PLEKHF2: variants seen among roughly 807,000 people sequenced by gnomAD.
PLEKHF2 encodes pleckstrin homology and FYVE domain containing 2, also known as pleckstrin homology domain-containing family F member 2.
In PLEKHF2, 4 loss-of-function variants were observed where a neutral mutation model predicts 14.7. That is an observed-to-expected ratio of 0.27 (90% confidence interval 0.13 to 0.62). The LOEUF is 0.62. Among genes scored for constraint, PLEKHF2 ranks in the 20% least tolerant of loss-of-function variants. The pLI is 0.85. For missense variants in PLEKHF2, 201 were observed against 307.7 expected, an observed-to-expected ratio of 0.65 and a Z score of 2.60; for synonymous variants, 90 against 103.5, an observed-to-expected ratio of 0.87 and a Z score of 0.79.
chr8:95,136,331 T>TACACACACACAC (rs1490601825), intron 1 of PLEKHF2, among the ~76,000 whole-genome samples: 5 of 107,736 alleles, frequency 4.6e-5, no homozygotes, highest in African/African-American at 2.0e-4. Context: ...TTTTATTATA[T>TACACACACACAC]ATACACACAC....
At chr8:95,152,462 A>G (rs1810573845) in intron 1 of PLEKHF2, among the ~76,000 whole-genome samples, 1 of 152,108 alleles carries the variant, frequency 6.6e-6, no homozygotes, top group Non-Finnish European at 1.5e-5. Flanking sequence ...TTATTAATCT[A>G]AGTGAAAAAT....
intron 1 of PLEKHF2, among the ~76,000 whole-genome samples, chr8:95,136,971 T>C (rs1810382182): frequency 6.6e-6 from 1 of 152,204 alleles, no homozygotes; most frequent in South Asian, 2.1e-4. Context: ...TGTCAAACTG[T>C]AAACCACAAA....
At position 95,156,013 on chromosome 8, in the gene PLEKHF2, T is replaced by G. The variant is rs1587311972; in HGVS notation, c.*1219T>G. The G allele has an allele frequency of 6.0e-6, 1 of 167,212 alleles. No homozygotes were observed. The highest frequency in any genetic ancestry group is 1.9e-4 in the East Asian group (1 of 5,200). The allele number at this position is 167,212 out of a possible 1,614,324, so 10.4% of individuals were successfully genotyped here. On this transcript the variant is annotated 3_prime_UTR_variant, in exon 2 of 2. Coordinates refer to ENST00000315367, the MANE Select transcript of PLEKHF2 (RefSeq NM_024613.4). ...CAATCTATGGAAATAGAGTAGCAATTGCTATTTCTAAATTGTGAACTTTAA... is the reference window on the plus strand; with the variant it reads ...CAATCTATGGAAATAGAGTAGCAATGGCTATTTCTAAATTGTGAACTTTAA...
At position 95,154,428 on chromosome 8, in the gene PLEKHF2, A is replaced by C; in HGVS notation, c.384A>C (p.Lys128Asn). 6.2e-7 allele frequency: 1 copy of C among 1,614,096 alleles called. No individual in the cohort carries two copies. The highest frequency in any genetic ancestry group is 8.5e-7 in the Non-Finnish European group (1 of 1,179,962). The change falls in exon 2 of 2, where the codon AAA becomes AAC. Residue 128 changes from lysine (K) to asparagine (N), a missense_variant. Lys to Asn is a moderately conservative substitution (Grantham distance 94). Transcript: ENST00000315367. The surrounding 1 kb of genome is among the most constrained non-coding windows in gnomAD (Gnocchi z 5.6). Reference sequence around the variant, plus strand: ...CAGAATGGATGAATCATATAAATAAATGTGTTACTGATTTACTCTCCAAAA... The same window carrying C: ...CAGAATGGATGAATCATATAAATAACTGTGTTACTGATTTACTCTCCAAAA... ...EKSEWMNHIN[K>N]CVTDLLSKSG...
chr8:95,153,539 G>A (rs550155943), intron 1 of PLEKHF2, among the ~76,000 whole-genome samples: 1 of 152,282 alleles, frequency 6.6e-6, no homozygotes, highest in South Asian at 2.1e-4. Flanking sequence ...CAAGATTGAA[G>A]GCCAGGACAC....
At chr8:95,143,026 A>G (rs907528907) in intron 1 of PLEKHF2, among the ~76,000 whole-genome samples, 4 of 152,014 alleles carry the variant, frequency 2.6e-5, no homozygotes, top group African/African-American at 7.3e-5. Context: ...ACATTGGCAC[A>G]TTGATGCCAT....
At chr8:95,146,570 A>C (rs1006687614) in intron 1 of PLEKHF2, among the ~76,000 whole-genome samples, 2 of 151,342 alleles carry the variant, frequency 1.3e-5, no homozygotes, top group African/African-American at 4.9e-5. Context: ...AACAGGTGGT[A>C]GACACCCCAC....
chr8:95,135,862 C>G (rs1211163925), intron 1 of PLEKHF2, among the ~76,000 whole-genome samples: 1 of 152,134 alleles, frequency 6.6e-6, no homozygotes, highest in African/African-American at 2.4e-5. Context: ...CTTATCACTG[C>G]TCTGACTTGA....
At chr8:95,138,609 A>G (rs892687939) in intron 1 of PLEKHF2, among the ~76,000 whole-genome samples, 30 of 152,278 alleles carry the variant, frequency 2.0e-4, no homozygotes, top group African/African-American at 7.0e-4. Context: ...GTATCAAAAT[A>G]TTATTAGTCT....
In PLEKHF2 at chr8:95,150,449, T is replaced by G. The variant is rs772110345; in HGVS notation, c.-14-3582T>G. Among the ~76,000 whole-genome samples the G allele has an allele frequency of 2.6e-5, 4 of 152,308 alleles. No homozygotes were observed. In the East Asian group the frequency reaches 7.7e-4, roughly 29 times the overall value. On this transcript the variant is annotated intron_variant, in intron 1 of 1. Transcript: ENST00000315367. The stretch of plus-strand genomic sequence containing the variant: ...AGATAAAAGAATGCATCATTCATTG[T>G]TGAAATAATTATACGAGTGTTTGTA...
At chr8:95,141,710 T>G (rs572220165) in intron 1 of PLEKHF2, among the ~76,000 whole-genome samples, 3,521 of 140,740 alleles carry the variant, frequency 0.025, 48 homozygotes, top group Middle Eastern at 0.049. Flanking sequence ...GTTTTGTTTT[T>G]TTTTTTTTTT....
At chr8:95,139,256 C>A (rs186491236) in intron 1 of PLEKHF2, among the ~76,000 whole-genome samples, 1 of 152,168 alleles carries the variant, frequency 6.6e-6, no homozygotes, top group African/African-American at 2.4e-5. Flanking sequence ...GTAATCCCAG[C>A]CCTTTGTGAG....
At chr8:95,145,652 C>A (rs939610784) in intron 1 of PLEKHF2, among the ~76,000 whole-genome samples, 1 of 152,114 alleles carries the variant, frequency 6.6e-6, no homozygotes. Flanking sequence ...TCTCGATCTC[C>A]TGACCTTGTG....
intron 1 of PLEKHF2, among the ~76,000 whole-genome samples, chr8:95,144,940 A>G (rs1296217236): frequency 6.6e-6 from 1 of 151,930 alleles, no homozygotes; most frequent in African/African-American, 2.4e-5. Flanking sequence ...TAGTTAGTTC[A>G]TGACTCAGTT....
At chr8:95,151,207 A>C (rs1450670039) in intron 1 of PLEKHF2, among the ~76,000 whole-genome samples, 1 of 152,154 alleles carries the variant, frequency 6.6e-6, no homozygotes, top group Non-Finnish European at 1.5e-5. Flanking sequence ...TCAAATCAGA[A>C]AATAATATGA....
intron 1 of PLEKHF2, among the ~76,000 whole-genome samples, chr8:95,142,635 A>T (rs1810451361): frequency 6.6e-6 from 1 of 152,172 alleles, no homozygotes; most frequent in Non-Finnish European, 1.5e-5. Flanking sequence ...TTTAGAAATG[A>T]TGTGAGTTTT....
chr8:95,144,866 A>AG (rs1268550860), intron 1 of PLEKHF2, among the ~76,000 whole-genome samples: 3 of 144,142 alleles, frequency 2.1e-5, no homozygotes, highest in Admixed American at 6.8e-5. Flanking sequence ...CTCTGTCTCA[A>AG]GAAAAAAAAA....
intron 1 of PLEKHF2, among the ~76,000 whole-genome samples, chr8:95,138,224 TTC>T (rs1194757156): frequency 6.6e-6 from 1 of 152,180 alleles, no homozygotes; most frequent in African/African-American, 2.4e-5. Context: ...CTGTTGCTTT[TTC>T]ACTCCAGTCA....
chr8:95,134,179 T>C (rs960871752), intron 1 of PLEKHF2, 149 bp downstream of exon 1: 3 of 150,368 alleles, frequency 2.0e-5, no homozygotes, highest in African/African-American at 4.9e-5. Flanking sequence ...CGACGCCATG[T>C]TGGGGTCTGT....
Sources: allele counts gnomAD v4.1 joint callset (sites outside exome capture counted in the v4.1 genomes callset), GRCh38; gene constraint gnomAD v4.1.1; non-coding constraint Gnocchi (gnomAD v3.1); transcripts MANE v1.5; gene names NCBI Gene and HGNC (gene_info 2026-07-23, HGNC 2026-07-21).